Variants in ULK4 observed in about 807,000 individuals in gnomAD.
ULK4 encodes the protein inactive serine/threonine-protein kinase ULK4.
ULK4 carries 133 observed loss-of-function variants against 160.6 expected under a neutral mutation model. The observed-to-expected ratio is 0.83, with a 90% CI of 0.72 to 0.96. ULK4 has a LOEUF of 0.96. ULK4 is among the 40% of genes least tolerant of loss of function. ULK4 has a pLI of 0.00. For missense variants in ULK4, 1,580 were observed against 1,499.5 expected (o/e 1.05, Z -0.89); for synonymous variants, 534 against 539.8 (o/e 0.99, Z 0.15).
rs202021242 is a variant in ULK4 at position 41,661,507 on chromosome 3, AGAT to A, written c.3071+2097_3071+2099del. The stretch of plus-strand genomic sequence containing the variant: ...CAGGCAGATAGACAGATAGATAGAT[AGAT>A]GATAGATAGATAGATAGATAAATAG... On this transcript the variant is annotated intron_variant, in intron 30 of 36. Coordinates refer to ENST00000301831, the MANE Select transcript of ULK4 (RefSeq NM_017886.4). Among the ~76,000 whole-genome samples the A allele has an allele frequency of 8.4e-3, 960 of 113,860 alleles. 6 individuals carry two copies. The highest frequency in any genetic ancestry group is 0.054 in the African/African-American group (687 of 12,730). The allele number at this position is 113,860 out of a possible 152,430, so 74.7% of individuals were successfully genotyped here. A position where few individuals can be genotyped will look rare whatever the true frequency, so the allele number is the denominator to read the frequency against.
intron 22 of ULK4, among the ~76,000 whole-genome samples, chr3:41,749,731 A>C (rs188588328): frequency 6.6e-6 from 1 of 152,308 alleles, no homozygotes; most frequent in Non-Finnish European, 1.5e-5. Flanking sequence ...CAATTCCATT[A>C]ATCTTAAGAC....
intron 34 of ULK4, among the ~76,000 whole-genome samples, chr3:41,450,251 T>C (rs1046234483): frequency 6.6e-6 from 1 of 152,148 alleles, no homozygotes; most frequent in Non-Finnish European, 1.5e-5. Flanking sequence ...GTCAACTTAT[T>C]ATATCCTATA....
intron 2 of ULK4, among the ~76,000 whole-genome samples, chr3:41,950,617 G>A (rs563201843): frequency 6.6e-6 from 1 of 151,908 alleles, no homozygotes; most frequent in Non-Finnish European, 1.5e-5. Flanking sequence ...TCAAACTCCT[G>A]AGCTCAAGCA....
intron 30 of ULK4, among the ~76,000 whole-genome samples, chr3:41,627,528 T>C (rs1198713460): frequency 6.6e-6 from 1 of 152,224 alleles, no homozygotes; most frequent in Non-Finnish European, 1.5e-5. Context: ...TCCATCTCCA[T>C]CTACGCTCTC....
chr3:41,763,280 AC>A (rs1322955001), intron 21 of ULK4, among the ~76,000 whole-genome samples: 2 of 152,236 alleles, frequency 1.3e-5, no homozygotes, highest in African/African-American at 2.4e-5. Flanking sequence ...AACATAAACA[AC>A]AAAGTACACC....
intron 35 of ULK4, among the ~76,000 whole-genome samples, chr3:41,276,012 C>G (rs1397943084): frequency 2.0e-5 from 3 of 152,198 alleles, no homozygotes; most frequent in Non-Finnish European, 4.4e-5. Flanking sequence ...TTCCATTCCA[C>G]AATGACAGAA....
intron 17 of ULK4, among the ~76,000 whole-genome samples, chr3:41,850,745 C>G (rs548089072): frequency 2.0e-5 from 3 of 152,086 alleles, no homozygotes; most frequent in African/African-American, 7.2e-5. Context: ...AAATTTTCTC[C>G]CATTCTGTAG....
At chr3:41,354,499 G>C (rs928211299) in intron 35 of ULK4, among the ~76,000 whole-genome samples, 1 of 152,188 alleles carries the variant, frequency 6.6e-6, no homozygotes, top group Admixed American at 6.5e-5. Context: ...CACATTTGCA[G>C]ATAGTTCTCA....
At chr3:41,758,269 C>T (rs1248596575) in intron 21 of ULK4, among the ~76,000 whole-genome samples, 1 of 152,108 alleles carries the variant, frequency 6.6e-6, no homozygotes, top group Non-Finnish European at 1.5e-5. Flanking sequence ...GTCTAAGGTA[C>T]CTTGTTATAG....
chr3:41,311,457 G>A (rs567043570), intron 35 of ULK4, among the ~76,000 whole-genome samples: 3 of 152,074 alleles, frequency 2.0e-5, no homozygotes, highest in African/African-American at 7.2e-5. Flanking sequence ...CTCCAACATC[G>A]GACTCCAAGT....
At position 41,444,361 on chromosome 3, in the gene ULK4, TTCTCTCTCTCTC is replaced by T. The variant is rs56744200; in HGVS notation, c.3492+11124_3492+11135del. ...TCTCTTTCTAAATGATTTAAGTGAC[TTCTCTCTCTCTC>T]TCTCTCTCTCTCTCTCTCTGTATAT... On this transcript the variant is annotated intron_variant, in intron 34 of 36. Transcript: ENST00000301831. Among the ~76,000 whole-genome samples the T allele has an allele frequency of 6.1e-5, 9 of 146,676 alleles. No homozygotes were observed. The South Asian group carries it at 1.8e-3, about 29-fold the overall frequency.
chr3:41,513,613 C>A (rs1333805541), intron 32 of ULK4, among the ~76,000 whole-genome samples: 1 of 152,180 alleles, frequency 6.6e-6, no homozygotes, highest in Non-Finnish European at 1.5e-5. Context: ...AGCCTGGCAA[C>A]AGAGCAAGAG....
chr3:41,720,288 G>T (rs896959925), intron 22 of ULK4, among the ~76,000 whole-genome samples: 1 of 152,054 alleles, frequency 6.6e-6, no homozygotes, highest in Non-Finnish European at 1.5e-5. Flanking sequence ...AGTAAATATT[G>T]CTGTTGAAAC....
intron 2 of ULK4, among the ~76,000 whole-genome samples, chr3:41,944,692 C>T (rs971754449): frequency 2.0e-5 from 3 of 152,138 alleles, no homozygotes; most frequent in Admixed American, 1.3e-4. Flanking sequence ...ATCCTCCCAC[C>T]TCAGCCTCCC....
intron 35 of ULK4, among the ~76,000 whole-genome samples, chr3:41,384,864 C>T (rs959496715): frequency 1.3e-5 from 2 of 152,076 alleles, no homozygotes; most frequent in Non-Finnish European, 2.9e-5. Context: ...GGATTACAGG[C>T]GTGAGCCACT....
At chr3:41,882,979 T>C (rs1313454949) in intron 17 of ULK4, among the ~76,000 whole-genome samples, 2 of 152,216 alleles carry the variant, frequency 1.3e-5, no homozygotes, top group East Asian at 3.8e-4. Flanking sequence ...CAATTCATTT[T>C]TTTAGGCCCC....
At chr3:41,641,239 C>T (rs887740016) in intron 30 of ULK4, among the ~76,000 whole-genome samples, 2 of 152,182 alleles carry the variant, frequency 1.3e-5, no homozygotes, top group Admixed American at 6.5e-5. Context: ...GGAACACGCA[C>T]TTTCTAGATG....
At chr3:41,762,362 T>C (rs1258733750) in intron 21 of ULK4, among the ~76,000 whole-genome samples, 1 of 152,140 alleles carries the variant, frequency 6.6e-6, no homozygotes, top group African/African-American at 2.4e-5. Flanking sequence ...TTTTTAGCTC[T>C]ATCTACCCAA....
At chr3:41,677,194 C>A (rs2125783902) in intron 29 of ULK4, among the ~76,000 whole-genome samples, 1 of 152,084 alleles carries the variant, frequency 6.6e-6, no homozygotes, top group East Asian at 1.9e-4. Flanking sequence ...CAGGTGTGAG[C>A]CGGTGTACCC....
Sources: gnomAD v4.1 joint callset for allele counts (sites outside exome capture counted in the v4.1 genomes callset) on GRCh38, gnomAD v4.1.1 for gene constraint, MANE v1.5 for transcripts, NCBI Gene and HGNC (gene_info 2026-07-23, HGNC 2026-07-21) for gene names.